The following LAMA2 variants were observed in gnomAD, a reference collection of about 807,000 sequenced individuals.
LAMA2 encodes the protein laminin subunit alpha 2.
LAMA2 carries 269 observed loss-of-function variants against 364.8 expected under a neutral mutation model. The observed-to-expected ratio is 0.74, with a 90% CI of 0.67 to 0.82. The LOEUF (loss-of-function observed/expected upper bound fraction) is 0.82. Ranked by LOEUF, LAMA2 falls within the 40% of genes least tolerant of loss-of-function variation. The pLI is 0.00. For synonymous variants in LAMA2, 1,379 were observed against 1,370.6 expected, an observed-to-expected ratio of 1.01 and a Z score of -0.14; for missense variants, 3,807 against 3,873.2, an observed-to-expected ratio of 0.98 and a Z score of 0.45.
intron 1 of LAMA2, among the ~76,000 whole-genome samples, chr6:128,923,006 A>G (rs1404762335): frequency 6.6e-6 from 1 of 151,220 alleles, no homozygotes; most frequent in Non-Finnish European, 1.5e-5. Context: ...TTTGTCAAAG[A>G]TCAGATAGTT....
chr6:128,893,640 C>T (rs1776596357), intron 1 of LAMA2, among the ~76,000 whole-genome samples: 2 of 151,856 alleles, frequency 1.3e-5, no homozygotes, highest in South Asian at 4.1e-4. Flanking sequence ...ATAAAACTAT[C>T]ATAAAAATAG....
In LAMA2 at chr6:128,925,773, GAC is replaced by G. The variant is rs376059202; in HGVS notation, c.112+42420_112+42421del. Among the ~76,000 whole-genome samples the G allele has an allele frequency of 6.0e-3, 917 of 152,140 alleles. 8 individuals carry two copies. Among genetic ancestry groups the G allele is most frequent in the African/African-American group, 0.021 (878 of 41,506 alleles). ...TATTCTTTAGTTCTGCGTTTACATAGACACAAATTCTCACATAGCAATATATG... is the reference window on the plus strand; with the variant it reads ...TATTCTTTAGTTCTGCGTTTACATAGACAAATTCTCACATAGCAATATATG... On this transcript the variant is annotated intron_variant, in intron 1 of 64. Transcript: ENST00000421865.
intron 1 of LAMA2, among the ~76,000 whole-genome samples, chr6:129,009,118 C>T (rs1784614785): frequency 6.6e-6 from 1 of 152,012 alleles, no homozygotes; most frequent in Non-Finnish European, 1.5e-5. Flanking sequence ...ATCTGGTGGT[C>T]ATGGGGAAAT....
rs1562206886 is a variant in LAMA2 at position 129,066,048 on chromosome 6, T to TTTTTTTTTTTTTC, written c.396+6164_396+6165insCTTTTTTTTTTTT. ...ATTGCCCAGTCTCAGGTTTTTTTTT[T>TTTTTTTTTTTTTC]TTTTTTTTTTTTTTTGAGACGCAGT... is the stretch of plus-strand genomic sequence containing the variant. On this transcript the variant is annotated intron_variant, in intron 3 of 64. Transcript: ENST00000421865. Among the ~76,000 whole-genome samples, 109 of 87,036 alleles carry TTTTTTTTTTTTTC rather than the reference T, an allele frequency of 1.3e-3. 8 individuals carry two copies. The highest frequency in any genetic ancestry group is 3.4e-3 in the African/African-American group (92 of 26,792). The allele number at this position is 87,036 out of a possible 152,430, so 57.1% of individuals were successfully genotyped here. A position where few individuals can be genotyped will look rare whatever the true frequency, so the allele number is the denominator to read the frequency against.
intron 51 of LAMA2, among the ~76,000 whole-genome samples, chr6:129,469,427 A>C (rs192005739): frequency 5.3e-4 from 80 of 152,004 alleles, no homozygotes; most frequent in African/African-American, 1.9e-3. Flanking sequence ...AGAATGACTA[A>C]AATTAAAAAG....
intron 16 of LAMA2, 76 bp downstream of exon 16, chr6:129,267,295 A>G: frequency 1.0e-6 from 1 of 963,528 alleles, no homozygotes; most frequent in South Asian, 1.3e-5. Context: ...TTCAGCTACT[A>G]CCCTGGGGAC....
intron 8 of LAMA2, chr6:129,157,582 C>G (rs556883445): frequency 5.0e-6 from 8 of 1,613,136 alleles, no homozygotes; most frequent in African/African-American, 4.0e-5. Context: ...ATTCTCAACG[C>G]TGTGAGTCTG....
At chr6:129,174,113 A>T (rs1005724819) in intron 9 of LAMA2, among the ~76,000 whole-genome samples, 5 of 152,028 alleles carry the variant, frequency 3.3e-5, no homozygotes, top group African/African-American at 1.2e-4. Flanking sequence ...ACCCATGATT[A>T]TTATATATTT....
At chr6:128,925,533 G>A (rs187414861) in intron 1 of LAMA2, among the ~76,000 whole-genome samples, 14 of 152,280 alleles carry the variant, frequency 9.2e-5, no homozygotes, top group African/African-American at 3.4e-4. Flanking sequence ...TATTTAATGA[G>A]TACCGAGTTT....
Position 129,478,724 on chromosome 6 carries a change from T to G in LAMA2, c.7483T>G (p.Cys2495Gly). Reference protein sequence around the residue: ...PEVNLKKYSGCLKDIEISRTP... With the variant: ...PEVNLKKYSGGLKDIEISRTP... ...AGTAAATCTGAAGAAATATTCCGGC[T>G]GCCTCAAAGATATTGAAATTTCAAG... is the stretch of plus-strand genomic sequence containing the variant. The change falls in exon 54 of 65, where the codon TGC becomes GGC. Residue 2495 changes from cysteine to glycine, a missense_variant. This residue lies in a region of LAMA2 where 3,333 missense variants were observed against 3,345.7 expected (regional missense o/e 1.00). Coordinates refer to ENST00000421865, the MANE Select transcript of LAMA2 (RefSeq NM_000426.4). 1 of 1,613,502 alleles carries G rather than the reference T, an allele frequency of 6.2e-7. No homozygotes were observed. The highest frequency in any genetic ancestry group is 8.5e-7 in the Non-Finnish European group (1 of 1,179,472).
At chr6:129,025,444 G>C (rs1199764443) in intron 1 of LAMA2, among the ~76,000 whole-genome samples, 1 of 152,158 alleles carries the variant, frequency 6.6e-6, no homozygotes, top group Non-Finnish European at 1.5e-5. Context: ...AGTGGCGTGA[G>C]AATGGTTATT....
rs554010188 is a variant in LAMA2 at position 129,504,271 on chromosome 6, T to G, written c.8548-929T>G. ...AAATGAAGGAGCTCTCATTAAGAGT[T>G]CTTCCATCTCTAGCTAATAGAATAA... On this transcript the variant is annotated intron_variant, in intron 60 of 64. Transcript: ENST00000421865. Among the ~76,000 whole-genome samples the G allele has an allele frequency of 2.0e-5, 3 of 152,350 alleles. No homozygotes were observed. The South Asian group carries it at 6.2e-4, about 32-fold the overall frequency.
intron 1 of LAMA2, among the ~76,000 whole-genome samples, chr6:128,935,048 T>G (rs1324890675): frequency 6.6e-6 from 1 of 152,176 alleles, no homozygotes; most frequent in East Asian, 1.9e-4. Flanking sequence ...TCATTATTTT[T>G]GACGCTATTG....
At chr6:129,228,263 A>G (rs1241766167) in intron 12 of LAMA2, among the ~76,000 whole-genome samples, 1 of 151,882 alleles carries the variant, frequency 6.6e-6, no homozygotes, top group Non-Finnish European at 1.5e-5. Context: ...GAATTTCCTG[A>G]CCCCTTGTGC....
chr6:129,175,385 C>A (rs1780513709), intron 9 of LAMA2, among the ~76,000 whole-genome samples: 1 of 152,160 alleles, frequency 6.6e-6, no homozygotes, highest in Admixed American at 6.5e-5. Context: ...GAATTAACCC[C>A]TGTGTTTTGT....
chr6:129,024,017 T>G (rs1244659687), intron 1 of LAMA2, among the ~76,000 whole-genome samples: 2 of 152,150 alleles, frequency 1.3e-5, no homozygotes, highest in Non-Finnish European at 2.9e-5. Context: ...AATGACCAAA[T>G]GATTACTGAG....
chr6:129,421,378 A>G (rs1038179215), intron 40 of LAMA2, among the ~76,000 whole-genome samples: 30 of 151,784 alleles, frequency 2.0e-4, no homozygotes, highest in African/African-American at 6.8e-4. Flanking sequence ...GAATACCAAG[A>G]ATTTATTGTT....
intron 15 of LAMA2, among the ~76,000 whole-genome samples, chr6:129,263,540 GA>G (rs1664287073): frequency 6.6e-6 from 1 of 152,138 alleles, no homozygotes; most frequent in Non-Finnish European, 1.5e-5. Context: ...AGTCTGTAAG[GA>G]CTGGAAAGAA....
chr6:129,505,459 A>C lies in LAMA2; in HGVS notation c.8703+104A>C. On this transcript the variant is annotated intron_variant, in intron 61 of 64. Coordinates refer to ENST00000421865, the MANE Select transcript of LAMA2 (RefSeq NM_000426.4). ...ATGGGCCCATGAAAACTGATAGGTG[A>C]ATAGGAAGTCATCTTTTCTGATAAG... 4.7e-6 allele frequency: 4 copies of C among 844,706 alleles called. No individual in the cohort carries two copies. The South Asian group carries it at 5.7e-5, about 12-fold the overall frequency. The allele number at this position is 844,706 out of a possible 1,614,324, so 52.3% of individuals were successfully genotyped here.
Sources: gnomAD v4.1 joint callset for allele counts (sites outside exome capture counted in the v4.1 genomes callset) on GRCh38, gnomAD v4.1.1 for gene constraint, gnomAD v4.1.1 regional missense constraint, MANE v1.5 for transcripts, NCBI Gene and HGNC (gene_info 2026-07-23, HGNC 2026-07-21) for gene names.